ST6GALNAC3: variants seen among roughly 807,000 people sequenced by gnomAD.
ST6GALNAC3 encodes ST6 N-acetylgalactosaminide alpha-2,6-sialyltransferase 3.
In ST6GALNAC3, 25 loss-of-function variants were observed where a neutral mutation model predicts 32.7. That is an observed-to-expected ratio of 0.76 (90% CI 0.56 to 1.07). The LOEUF (loss-of-function observed/expected upper bound fraction) is 1.07, where lower values mean the gene tolerates loss of function less well. Ranked by LOEUF, ST6GALNAC3 falls within the 50% of genes least tolerant of loss-of-function variation. The pLI is 0.00. For synonymous variants in ST6GALNAC3, 129 were observed against 133.1 expected (o/e 0.97, Z 0.21); for missense variants, 355 against 382.4 (o/e 0.93, Z 0.60).
chr1:76,528,014 C>CA (rs2101812358), intron 3 of ST6GALNAC3, among the ~76,000 whole-genome samples: 1 of 152,238 alleles, frequency 6.6e-6, no homozygotes, highest in East Asian at 1.9e-4. Context: ...GAGTGACTTA[C>CA]AGCATTTCTG....
intron 3 of ST6GALNAC3, among the ~76,000 whole-genome samples, chr1:76,481,593 A>T (rs1411752636): frequency 6.6e-6 from 1 of 152,198 alleles, no homozygotes; most frequent in Non-Finnish European, 1.5e-5. Flanking sequence ...ATTTAACAGT[A>T]TCCCAAATGT....
intron 3 of ST6GALNAC3, among the ~76,000 whole-genome samples, chr1:76,413,775 G>C (rs1571152672): frequency 6.6e-6 from 1 of 152,146 alleles, no homozygotes; most frequent in Non-Finnish European, 1.5e-5. Context: ...CAGTAGAGAT[G>C]AAAGGGATAG....
intron 3 of ST6GALNAC3, among the ~76,000 whole-genome samples, chr1:76,479,118 A>C (rs1659560678): frequency 6.6e-6 from 1 of 152,126 alleles, no homozygotes; most frequent in African/African-American, 2.4e-5. Context: ...ACCTGGTATT[A>C]TAGAGACATG....
At chr1:76,369,731 G>C (rs187333039) in intron 2 of ST6GALNAC3, among the ~76,000 whole-genome samples, 30 of 152,232 alleles carry the variant, frequency 2.0e-4, no homozygotes, top group African/African-American at 7.0e-4. Flanking sequence ...AGGAGGGGTA[G>C]AAAACACATA....
intron 2 of ST6GALNAC3, among the ~76,000 whole-genome samples, chr1:76,410,066 T>C (rs988177051): frequency 5.9e-5 from 9 of 152,122 alleles, no homozygotes; most frequent in African/African-American, 1.9e-4. Flanking sequence ...GGCCTCTTTT[T>C]TTTATCAACT....
At chr1:76,093,128 G>A (rs542857935) in intron 1 of ST6GALNAC3, among the ~76,000 whole-genome samples, 1 of 152,278 alleles carries the variant, frequency 6.6e-6, no homozygotes, top group Admixed American at 6.5e-5. Context: ...GCATATCCTG[G>A]CTATAGTGAA....
chr1:76,592,737 G>A (rs1032077323), intron 3 of ST6GALNAC3, among the ~76,000 whole-genome samples: 4 of 152,042 alleles, frequency 2.6e-5, no homozygotes, highest in Non-Finnish European at 4.4e-5. Context: ...TTGCTCAGCC[G>A]TTCTCCCTTG....
intron 2 of ST6GALNAC3, among the ~76,000 whole-genome samples, chr1:76,380,855 A>G (rs971238790): frequency 2.0e-5 from 3 of 152,254 alleles, no homozygotes; most frequent in African/African-American, 7.2e-5. Context: ...CCTTTCTATA[A>G]TGAGACCTAA....
intron 1 of ST6GALNAC3, among the ~76,000 whole-genome samples, chr1:76,149,713 C>G (rs978017149): frequency 6.6e-6 from 1 of 151,222 alleles, no homozygotes; most frequent in African/African-American, 2.5e-5. Context: ...ATTCATATTT[C>G]TGTATTCATT....
At chr1:76,462,906 T>C (rs1039187832) in intron 3 of ST6GALNAC3, among the ~76,000 whole-genome samples, 1 of 152,164 alleles carries the variant, frequency 6.6e-6, no homozygotes, top group African/African-American at 2.4e-5. Flanking sequence ...ATCTGCTGTG[T>C]ACCAGATTGT....
intron 3 of ST6GALNAC3, among the ~76,000 whole-genome samples, chr1:76,502,210 C>G (rs1451094502): frequency 6.6e-6 from 1 of 152,172 alleles, no homozygotes; most frequent in African/African-American, 2.4e-5. Context: ...TTCCTGTTAC[C>G]TAAAGAAAAA....
chr1:76,622,331 T>C (rs950570690), intron 3 of ST6GALNAC3, among the ~76,000 whole-genome samples: 3 of 152,002 alleles, frequency 2.0e-5, no homozygotes, highest in Non-Finnish European at 4.4e-5. Context: ...CTGAGTTTGC[T>C]GATTTCTAAG....
chr1:76,135,097 G>A (rs991566813), intron 1 of ST6GALNAC3, among the ~76,000 whole-genome samples: 13 of 151,506 alleles, frequency 8.6e-5, no homozygotes, highest in African/African-American at 2.2e-4. Flanking sequence ...AGCCAAGATC[G>A]CACCACTGAA....
chr1:76,437,341 G>T (rs1557885374), intron 3 of ST6GALNAC3, among the ~76,000 whole-genome samples: 1 of 152,000 alleles, frequency 6.6e-6, no homozygotes, highest in African/African-American at 2.4e-5. Flanking sequence ...GGAAACACAG[G>T]GTTCTCAATG....
intron 3 of ST6GALNAC3, among the ~76,000 whole-genome samples, chr1:76,616,538 T>C (rs1005939254): frequency 6.6e-6 from 1 of 152,194 alleles, no homozygotes; most frequent in Non-Finnish European, 1.5e-5. Flanking sequence ...GCGCCTGCCT[T>C]GATATGTTGA....
rs184105985 is a variant in ST6GALNAC3 at position 76,523,345 on chromosome 1, C to G, written c.624-104107C>G. 2.3e-3 allele frequency among the ~76,000 whole-genome samples: 344 copies of G among 151,858 alleles called. 1 individual carries two copies. Among genetic ancestry groups the G allele is most frequent in the African/African-American group, 8.0e-3 (332 of 41,432 alleles). ...TCATGTGTGGATTTGTTTCTGTTGC[C>G]TATTTCTTTTTCTCTTGGGTTTTGG... On this transcript the variant is annotated intron_variant, in intron 3 of 4. Coordinates refer to ENST00000328299, the MANE Select transcript of ST6GALNAC3 (RefSeq NM_152996.4).
At chr1:76,468,475 T>C (rs2101619224) in intron 3 of ST6GALNAC3, among the ~76,000 whole-genome samples, 1 of 152,122 alleles carries the variant, frequency 6.6e-6, no homozygotes, top group South Asian at 2.1e-4. Flanking sequence ...CTCAAACATA[T>C]ATTGAAAGAG....
chr1:76,214,855 G>A (rs1655367531), intron 1 of ST6GALNAC3, among the ~76,000 whole-genome samples: 1 of 152,136 alleles, frequency 6.6e-6, no homozygotes, highest in South Asian at 2.1e-4. Context: ...AGTAGCTGAC[G>A]AAGAGAGCAT....
At chr1:76,522,388 A>G (rs1299780881) in intron 3 of ST6GALNAC3, among the ~76,000 whole-genome samples, 1 of 151,908 alleles carries the variant, frequency 6.6e-6, no homozygotes, top group Non-Finnish European at 1.5e-5. Context: ...GTTTCTTTCC[A>G]ATTATTTTCT....
Sources: gnomAD v4.1 joint callset for allele counts (sites outside exome capture counted in the v4.1 genomes callset) on GRCh38, gnomAD v4.1.1 for gene constraint, MANE v1.5 for transcripts, NCBI Gene and HGNC (gene_info 2026-07-23, HGNC 2026-07-21) for gene names.